The following SCAI variants were observed in gnomAD, a reference collection of about 807,000 sequenced individuals.
The protein encoded by SCAI is suppressor of cancer cell invasion.
In SCAI, 24 loss-of-function variants were observed where a neutral mutation model predicts 92.2. That is an observed-to-expected ratio of 0.26 (90% CI 0.19 to 0.37). The LOEUF (loss-of-function observed/expected upper bound fraction) is 0.37. SCAI is among the 10% of genes least tolerant of loss of function. The probability of loss-of-function intolerance (pLI) is 1.00; values close to 1 mark genes in which losing one functional copy is unlikely to be tolerated. For missense variants in SCAI, 450 were observed against 736.2 expected (o/e 0.61, Z 4.50); for synonymous variants, 261 against 258.6 (o/e 1.01, Z -0.09).
chr9:125,066,365 ACTCACCCAAAG>A (rs1288360751), intron 2 of SCAI, among the ~76,000 whole-genome samples: 1 of 152,066 alleles, frequency 6.6e-6, no homozygotes, highest in Admixed American at 6.6e-5. Context: ...TTGCTCACTG[ACTCACCCAAAG>A]CAACTTCCAG....
chr9:125,098,624 C>T (rs1344409203), intron 2 of SCAI, among the ~76,000 whole-genome samples: 2 of 152,056 alleles, frequency 1.3e-5, no homozygotes, highest in Non-Finnish European at 2.9e-5. Flanking sequence ...TTTAAGAATG[C>T]TAAGATGGGG....
rs571613400 is a variant in SCAI at position 125,084,304 on chromosome 9, G to A, written c.99-28297C>T. ...TCCTGCCTCAGCCTCCCGAGTAGCT[G>A]GGACTACAGGTGCCCACCACCACGC... On this transcript the variant is annotated intron_variant, in intron 2 of 17. Transcript: ENST00000336505. Among the ~76,000 whole-genome samples, 189 of 151,456 alleles carry A rather than the reference G, an allele frequency of 1.2e-3. 1 individual carries two copies. Among genetic ancestry groups the A allele is most frequent in the Non-Finnish European group, 2.8e-4 (19 of 67,904 alleles).
chr9:125,100,902 G>C (rs1020868362), intron 2 of SCAI, among the ~76,000 whole-genome samples: 3 of 152,170 alleles, frequency 2.0e-5, no homozygotes, highest in Admixed American at 6.5e-5. Flanking sequence ...TGCCTGATGT[G>C]TTTGAGCAAC....
chr9:124,966,996 C>G (rs1169809028), intron 17 of SCAI, among the ~76,000 whole-genome samples: 1 of 150,154 alleles, frequency 6.7e-6, no homozygotes, highest in Non-Finnish European at 1.5e-5. Context: ...TTAATACAAA[C>G]TTGTCACTAA....
At chr9:125,042,615 ATGTG>A (rs150983142) in intron 3 of SCAI, among the ~76,000 whole-genome samples, 37 of 105,182 alleles carry the variant, frequency 3.5e-4, no homozygotes, top group African/African-American at 6.1e-4. Flanking sequence ...CCACCAGAGT[ATGTG>A]TGTGTGTGTG....
intron 2 of SCAI, among the ~76,000 whole-genome samples, chr9:125,073,644 A>G (rs1834027203): frequency 1.3e-5 from 2 of 152,186 alleles, no homozygotes; most frequent in South Asian, 2.1e-4. Context: ...GGCCATTTGC[A>G]TATCTTCTTT....
At chr9:124,996,365 G>A (rs1434456332) in intron 13 of SCAI, among the ~76,000 whole-genome samples, 1 of 152,146 alleles carries the variant, frequency 6.6e-6, no homozygotes, top group Non-Finnish European at 1.5e-5. Context: ...ACAGTGGCAA[G>A]ATCATAGCTA....
chr9:125,054,911 A>G (rs1394079124), intron 3 of SCAI, among the ~76,000 whole-genome samples: 2 of 152,234 alleles, frequency 1.3e-5, no homozygotes, highest in Non-Finnish European at 2.9e-5. Flanking sequence ...GAGAGACATA[A>G]TAAGCAAGTA....
intron 2 of SCAI, among the ~76,000 whole-genome samples, chr9:125,126,815 G>A (rs949003084): frequency 2.6e-5 from 4 of 152,286 alleles, no homozygotes; most frequent in East Asian, 1.9e-4. Context: ...TAGAATTACT[G>A]ATGAAAATAT....
At chr9:125,114,362 G>A (rs1362316492) in intron 2 of SCAI, among the ~76,000 whole-genome samples, 1 of 151,782 alleles carries the variant, frequency 6.6e-6, no homozygotes, top group Non-Finnish European at 1.5e-5. Flanking sequence ...CACTCCACTA[G>A]TAATTACAGT....
intron 2 of SCAI, among the ~76,000 whole-genome samples, chr9:125,121,733 G>A (rs1377682523): frequency 6.6e-6 from 1 of 151,978 alleles, no homozygotes; most frequent in East Asian, 1.9e-4. Flanking sequence ...CACCCCTGTA[G>A]TCCCAGCCAC....
intron 2 of SCAI, among the ~76,000 whole-genome samples, chr9:125,057,839 A>G (rs188336017): frequency 2.0e-5 from 3 of 152,354 alleles, no homozygotes; most frequent in East Asian, 1.9e-4. Flanking sequence ...CACGCCTGTA[A>G]TCCCAGCACT....
At chr9:124,956,601 C>T (rs1404458126) in intron 17 of SCAI, among the ~76,000 whole-genome samples, 1 of 152,108 alleles carries the variant, frequency 6.6e-6, no homozygotes, top group Non-Finnish European at 1.5e-5. Flanking sequence ...AAAAGTTTTG[C>T]GAATCATCCA....
intron 3 of SCAI, among the ~76,000 whole-genome samples, chr9:125,039,157 G>A (rs1367362560): frequency 6.6e-6 from 1 of 152,146 alleles, no homozygotes; most frequent in Non-Finnish European, 1.5e-5. Context: ...GGAGGCCAAG[G>A]TGGGCAGGTC....
intron 2 of SCAI, among the ~76,000 whole-genome samples, chr9:125,104,686 A>AAGAT (rs144365846): frequency 0.013 from 1,940 of 151,960 alleles, 101 homozygotes; most frequent in Admixed American, 0.082. Flanking sequence ...GGTGGATCAC[A>AAGAT]AGATTAGGAG....
At chr9:124,976,511 T>C (rs1385394952) in intron 14 of SCAI, among the ~76,000 whole-genome samples, 2 of 152,198 alleles carry the variant, frequency 1.3e-5, no homozygotes, top group African/African-American at 2.4e-5. Context: ...CACACACTTA[T>C]ATATATAAAG....
At chr9:125,137,161 C>T (rs539561014) in intron 2 of SCAI, among the ~76,000 whole-genome samples, 1 of 152,278 alleles carries the variant, frequency 6.6e-6, no homozygotes, top group South Asian at 2.1e-4. Context: ...TTTAGAGCAA[C>T]CCCTGCACTG....
At chr9:125,029,949 T>A (rs1338239160) in intron 3 of SCAI, among the ~76,000 whole-genome samples, 1 of 152,108 alleles carries the variant, frequency 6.6e-6, no homozygotes, top group Non-Finnish European at 1.5e-5. Context: ...CTCTGACAGG[T>A]CGTTCTTAGT....
intron 3 of SCAI, among the ~76,000 whole-genome samples, chr9:125,051,599 A>G (rs988503978): frequency 6.6e-6 from 1 of 152,242 alleles, no homozygotes; most frequent in African/African-American, 2.4e-5. Flanking sequence ...TAATGTGATC[A>G]TTACAATGGT....
Sources: gnomAD v4.1 joint callset for allele counts (sites outside exome capture counted in the v4.1 genomes callset) on GRCh38, gnomAD v4.1.1 for gene constraint, MANE v1.5 for transcripts, NCBI Gene and HGNC (gene_info 2026-07-23, HGNC 2026-07-21) for gene names.